DLGAP2: variants seen among roughly 807,000 people sequenced by gnomAD.
DLGAP2 encodes the protein disks large-associated protein 2.
Under a neutral mutation model 100.3 loss-of-function variants are expected in DLGAP2, and 26 were observed. The observed-to-expected ratio is 0.26, with a 90% CI of 0.19 to 0.36. The LOEUF (loss-of-function observed/expected upper bound fraction) is 0.36, where lower values mean the gene tolerates loss of function less well. DLGAP2 is among the 10% of genes least tolerant of loss of function. The pLI is 1.00. For synonymous variants in DLGAP2, 886 were observed against 630.1 expected (o/e 1.41, Z -6.08); for missense variants, 1,858 against 1,453.2 (o/e 1.28, Z -4.53).
chr8:961,945 A>G (rs1799734564), intron 2 of DLGAP2, among the ~76,000 whole-genome samples: 2 of 152,228 alleles, frequency 1.3e-5, no homozygotes, highest in East Asian at 1.9e-4. Context: ...CAATATGTGG[A>G]TTATTTTCTC....
chr8:1,452,312 G>C (rs532523402), intron 3 of DLGAP2, among the ~76,000 whole-genome samples: 2 of 152,324 alleles, frequency 1.3e-5, no homozygotes, highest in South Asian at 4.1e-4. Flanking sequence ...GAAGGGCCAA[G>C]CACCCTCCAT....
chr8:1,208,868 AT>A (rs756533107), intron 2 of DLGAP2, among the ~76,000 whole-genome samples: 3 of 72,324 alleles, frequency 4.1e-5, no homozygotes, highest in Admixed American at 1.3e-4. Flanking sequence ...AGCTGCAAAA[AT>A]AAATAAATAA....
rs1799603540 is a variant in DLGAP2, at chr8:1,702,553, T to A, written c.*1147T>A. On this transcript the variant is annotated 3_prime_UTR_variant, in exon 15 of 15. Coordinates refer to ENST00000637795, the MANE Select transcript of DLGAP2 (RefSeq NM_001346810.2). The stretch of plus-strand genomic sequence containing the variant: ...CAGTATTGCTAAAGTCGAGAATATA[T>A]TCCTTGCCTGTGTTAGACATGAAGG... 6.6e-6 allele frequency: 1 copy of A among 152,608 alleles called. No homozygotes were observed. Among genetic ancestry groups the A allele is most frequent in the Non-Finnish European group, 1.5e-5 (1 of 68,024 alleles). 9.5% of individuals were successfully genotyped at this position (152,608 alleles called of 1,614,324 possible). A position where few individuals can be genotyped will look rare whatever the true frequency, so the allele number is the denominator to read the frequency against.
At chr8:1,663,149 T>A (rs1798455347) in intron 8 of DLGAP2, among the ~76,000 whole-genome samples, 1 of 128,910 alleles carries the variant, frequency 7.8e-6, no homozygotes. Context: ...TATGTGTGAG[T>A]GTGGGGGATG....
intron 1 of DLGAP2, among the ~76,000 whole-genome samples, chr8:777,265 C>G (rs1330467516): frequency 6.6e-6 from 1 of 150,660 alleles, no homozygotes; most frequent in Non-Finnish European, 1.5e-5. Context: ...AGATGGGTTT[C>G]CTGAATACAG....
chr8:1,288,644 T>C (rs1799992224), intron 3 of DLGAP2, among the ~76,000 whole-genome samples: 1 of 146,936 alleles, frequency 6.8e-6, no homozygotes, highest in South Asian at 2.3e-4. Flanking sequence ...AGTGTGTGTG[T>C]GTACGTAGTT....
chr8:1,462,888 C>A lies in DLGAP2; in HGVS notation c.107-38478C>A, dbSNP rs77613554. 1.5e-3 allele frequency among the ~76,000 whole-genome samples: 235 copies of A among 152,358 alleles called. No homozygotes were observed. In the East Asian group the frequency reaches 0.03, roughly 20 times the overall value. On this transcript the variant is annotated intron_variant, in intron 3 of 14. Coordinates refer to ENST00000637795, the MANE Select transcript of DLGAP2 (RefSeq NM_001346810.2). ...CGATTAGTTCAAGAAGGAAATGTTACTTCCCAGCAAATGGCTCAAACACAT... is the reference window on the plus strand; with the variant it reads ...CGATTAGTTCAAGAAGGAAATGTTAATTCCCAGCAAATGGCTCAAACACAT...
intron 2 of DLGAP2, among the ~76,000 whole-genome samples, chr8:1,076,421 C>A (rs1055666270): frequency 6.6e-6 from 1 of 152,146 alleles, no homozygotes; most frequent in African/African-American, 2.4e-5. Context: ...CGGTATTTTG[C>A]GGAAAGTCGG....
At chr8:1,335,232 C>T (rs926481768) in intron 3 of DLGAP2, among the ~76,000 whole-genome samples, 18 of 152,158 alleles carry the variant, frequency 1.2e-4, no homozygotes, top group Admixed American at 5.2e-4. Context: ...CAGGAGGCTT[C>T]GAGCTCCAAA....
chr8:1,481,327 G>C (rs1481906707), intron 3 of DLGAP2, among the ~76,000 whole-genome samples: 2 of 152,096 alleles, frequency 1.3e-5, no homozygotes, highest in Non-Finnish European at 2.9e-5. Flanking sequence ...TGATGAGCGT[G>C]ACCGTTCAGA....
intron 3 of DLGAP2, among the ~76,000 whole-genome samples, chr8:1,407,753 A>C (rs113097733): frequency 2.4e-5 from 2 of 82,498 alleles, no homozygotes; most frequent in Non-Finnish European, 5.3e-5. Context: ...CATCCTCCAG[A>C]GTCGTGTATT....
intron 1 of DLGAP2, among the ~76,000 whole-genome samples, chr8:813,896 C>T (rs931680296): frequency 2.6e-5 from 4 of 152,146 alleles, no homozygotes; most frequent in Non-Finnish European, 4.4e-5. Context: ...AGAAGCAGGA[C>T]TCCTGTCTGC....
intron 4 of DLGAP2, among the ~76,000 whole-genome samples, chr8:1,546,954 C>G (rs1013071035): frequency 6.6e-6 from 1 of 152,134 alleles, no homozygotes. Flanking sequence ...CACGCTCAGC[C>G]GTCGAGGTGG....
At chr8:970,275 C>A (rs6987162) in intron 2 of DLGAP2, among the ~76,000 whole-genome samples, 1,945 of 152,168 alleles carry the variant, frequency 0.013, 44 homozygotes, top group African/African-American at 0.044. Context: ...CAAGAAATAC[C>A]AAGTCACAAA....
At chr8:1,175,220 G>C (rs1420690110) in intron 2 of DLGAP2, among the ~76,000 whole-genome samples, 1 of 151,592 alleles carries the variant, frequency 6.6e-6, no homozygotes, top group Non-Finnish European at 1.5e-5. Flanking sequence ...AGTGAGCACA[G>C]AAATGTCTTC....
chr8:1,099,325 T>A (rs1269065986), intron 2 of DLGAP2, among the ~76,000 whole-genome samples: 1 of 152,222 alleles, frequency 6.6e-6, no homozygotes, highest in African/African-American at 2.4e-5. Context: ...TCCTGTGTGT[T>A]GCGTAGAGAC....
intron 6 of DLGAP2, among the ~76,000 whole-genome samples, chr8:1,577,366 C>T (rs946036051): frequency 1.3e-5 from 2 of 151,960 alleles, no homozygotes; most frequent in Non-Finnish European, 2.9e-5. Flanking sequence ...GTCAGGAGTT[C>T]GAGACCAGCC....
chr8:943,661 G>A (rs1799248227), intron 2 of DLGAP2, among the ~76,000 whole-genome samples: 2 of 151,542 alleles, frequency 1.3e-5, no homozygotes, highest in Admixed American at 6.6e-5. Flanking sequence ...CACAAGCACG[G>A]CAAGAACCAC....
chr8:1,259,669 G>C (rs887416686), intron 3 of DLGAP2: 1 of 152,176 alleles, frequency 6.6e-6, no homozygotes, highest in Non-Finnish European at 1.5e-5. Flanking sequence ...GCTTCCACAG[G>C]GAGAGATGGG....
Sources: allele counts gnomAD v4.1 joint callset (sites outside exome capture counted in the v4.1 genomes callset), GRCh38; gene constraint gnomAD v4.1.1; transcripts MANE v1.5; gene names NCBI Gene and HGNC (gene_info 2026-07-23, HGNC 2026-07-21).